The following NLRC5 variants were observed in gnomAD, a reference collection of about 807,000 sequenced individuals.
NLRC5 encodes the protein NLR family CARD domain containing 5.
Under a neutral mutation model 206.9 loss-of-function variants are expected in NLRC5, and 114 were observed. The observed-to-expected ratio is 0.55, with a 90% CI of 0.47 to 0.64. The LOEUF (loss-of-function observed/expected upper bound fraction) is 0.64. Ranked by LOEUF, NLRC5 falls within the 30% of genes least tolerant of loss-of-function variation. NLRC5 has a pLI of 0.00. For missense variants in NLRC5, 2,008 were observed against 2,305.5 expected, an observed-to-expected ratio of 0.87 and a Z score of 2.64; for synonymous variants, 952 against 962.8, an observed-to-expected ratio of 0.99 and a Z score of 0.21.
chr16:57,065,915 T>C (rs1423059039), intron 33 of NLRC5, among the ~76,000 whole-genome samples: 1 of 152,178 alleles, frequency 6.6e-6, no homozygotes, highest in Non-Finnish European at 1.5e-5. Flanking sequence ...CTGGGGACTT[T>C]ATAATCTCCC....
chr16:57,070,694 G>A (rs1253806123), intron 38 of NLRC5, 76 bp downstream of exon 38: 1 of 1,310,542 alleles, frequency 7.6e-7, no homozygotes, highest in African/African-American at 1.9e-5. Context: ...TGAGTGGTGG[G>A]GTTGGTTAAT....
At chr16:57,048,683 G>A (rs561782252) in intron 23 of NLRC5, among the ~76,000 whole-genome samples, 49 of 152,068 alleles carry the variant, frequency 3.2e-4, no homozygotes, top group Middle Eastern at 3.4e-3. Context: ...ACAGGCGCCC[G>A]CCATCATGCC....
Position 57,079,217 on chromosome 16 carries a change from G to T in NLRC5, c.5166-4G>T. ...CTCTCACAGGTATCTCCCCTACCCT[G>T]CAGCTTGGCGGAAAACAACCTGGCT... On this transcript the variant is annotated splice_region_variant and splice_polypyrimidine_tract_variant and intron_variant, in intron 44 of 48. Coordinates refer to ENST00000688547, the MANE Select transcript of NLRC5 (RefSeq NM_001384950.1). 1 of 1,614,010 alleles carries T rather than the reference G, an allele frequency of 6.2e-7. No individual in the cohort carries two copies.
intron 17 of NLRC5, chr16:57,041,183 GT>G (rs768955703): frequency 6.5e-4 from 268 of 413,634 alleles, no homozygotes; most frequent in Non-Finnish European, 9.1e-4. Context: ...TGTTTTATCA[GT>G]TTATTTAACT....
intron 32 of NLRC5, among the ~76,000 whole-genome samples, chr16:57,064,610 G>A (rs2066892776): frequency 6.6e-6 from 1 of 152,098 alleles, no homozygotes; most frequent in South Asian, 2.1e-4. Context: ...GTAACATTAT[G>A]TGAATCTTTT....
chr16:56,999,000 A>T (rs149789054), intron 1 of NLRC5, among the ~76,000 whole-genome samples: 2 of 152,352 alleles, frequency 1.3e-5, no homozygotes, highest in African/African-American at 4.8e-5. Flanking sequence ...ACAGTTCTGG[A>T]GACTAAAGTC....
chr16:57,079,112 C>T lies in NLRC5; in HGVS notation c.5144C>T (p.Ser1715Phe), dbSNP rs186267475. ...AGCCTGGCCCAGGCCCTGGATGGAT[C>T]CCCCCATTTGGAAGAGATCAGGTAA... The part of the protein sequence containing the change: ...ALSLAQALDG[S>F]PHLEEISLAE... The change falls in exon 44 of 49, where the codon TCC becomes TTC. Residue 1715 changes from serine (S) to phenylalanine (F), a missense_variant. Coordinates refer to ENST00000688547, the MANE Select transcript of NLRC5 (RefSeq NM_001384950.1). The T allele has an allele frequency of 4.3e-6, 7 of 1,614,132 alleles. No individual in the cohort carries two copies. Among genetic ancestry groups the T allele is most frequent in the Non-Finnish European group, 5.9e-6 (7 of 1,180,012 alleles).
chr16:57,082,666 T>G lies in NLRC5; in HGVS notation c.*138T>G. The G allele has an allele frequency of 1.6e-6, 1 of 626,454 alleles. No individual in the cohort carries two copies. 38.8% of individuals were successfully genotyped at this position (626,454 alleles called of 1,614,324 possible). The stretch of plus-strand genomic sequence containing the variant: ...CTCCACCCAGGAGGAAGGATACGTG[T>G]GTCCTGCTGCAGTCCTCAGGGAGAA... On this transcript the variant is annotated 3_prime_UTR_variant, in exon 49 of 49. Coordinates refer to ENST00000688547, the MANE Select transcript of NLRC5 (RefSeq NM_001384950.1).
intron 1 of NLRC5, among the ~76,000 whole-genome samples, chr16:57,003,139 C>T (rs577703632): frequency 2.7e-4 from 41 of 152,118 alleles, no homozygotes; most frequent in Non-Finnish European, 5.3e-4. Flanking sequence ...AGCTCACTGC[C>T]GCCTCCGTCT....
At chr16:57,027,041 C>A (rs760889033) in intron 6 of NLRC5, 23 bp downstream of exon 6, 2 of 1,600,734 alleles carry the variant, frequency 1.2e-6, no homozygotes, top group Non-Finnish European at 1.7e-6. Context: ...GGAGGAGGAC[C>A]GGGGAGGGGA....
intron 40 of NLRC5, 78 bp from the exon 41 acceptor site, chr16:57,077,218 C>T: frequency 7.4e-7 from 1 of 1,344,668 alleles, no homozygotes; most frequent in East Asian, 2.3e-5. Context: ...GGACTTCAGC[C>T]TCCCCTTCTT....
chr16:57,063,989 C>T (rs1334698515), intron 32 of NLRC5, among the ~76,000 whole-genome samples: 4 of 152,096 alleles, frequency 2.6e-5, no homozygotes, highest in Admixed American at 2.6e-4. Context: ...CCCCCCACCT[C>T]AGCCTCCCAA....
rs1372057596 is a variant in NLRC5, at chr16:57,047,541, G to T, written c.3339-4G>T. ...TCCCTGCCCTGCCCATTGCCCCTTT[G>T]CAGCCTCAGTGAGTGTCCTCTGGAG... On this transcript the variant is annotated splice_region_variant and splice_polypyrimidine_tract_variant and intron_variant, in intron 22 of 48. Coordinates refer to ENST00000688547, the MANE Select transcript of NLRC5 (RefSeq NM_001384950.1). 6.2e-7 allele frequency: 1 copy of T among 1,610,948 alleles called. No individual in the cohort carries two copies. The highest frequency in any genetic ancestry group is 8.5e-7 in the Non-Finnish European group (1 of 1,178,770).
rs144733674 is a variant in NLRC5, at chr16:57,047,626, G to C, written c.3420G>C (p.Leu1140=). Residue 1140 remains leucine, a splice_region_variant and synonymous_variant, in exon 23 of 49, where the codon CTG becomes CTC. Coordinates refer to ENST00000688547, the MANE Select transcript of NLRC5 (RefSeq NM_001384950.1). Reference sequence around the variant, plus strand: ...AGGACTGCCCGGGACCCCTGGAACTGCAGTAAGTAACGAGGACACAGCCCC... The same window carrying C: ...AGGACTGCCCGGGACCCCTGGAACTCCAGTAAGTAACGAGGACACAGCCCC... ...TLKDCPGPLE[L]QLSCEFLSDQ... The C allele has an allele frequency of 1.6e-5, 25 of 1,612,112 alleles. No individual in the cohort carries two copies. The highest frequency in any genetic ancestry group is 1.0e-4 in the Admixed American group (6 of 59,780).
At chr16:57,037,987 G>A (rs1195894550) in intron 15 of NLRC5, among the ~76,000 whole-genome samples, 1 of 152,092 alleles carries the variant, frequency 6.6e-6, no homozygotes, top group Non-Finnish European at 1.5e-5. Context: ...TCAATAAAGG[G>A]TCCCTAGTGC....
chr16:57,078,144 ACTCTCC>A (rs2068651159), intron 43 of NLRC5, 124 bp downstream of exon 43: 1 of 680,370 alleles, frequency 1.5e-6, no homozygotes, highest in East Asian at 3.1e-5. Context: ...GCATATACCC[ACTCTCC>A]TGCCTGTTCC....
intron 1 of NLRC5, among the ~76,000 whole-genome samples, chr16:57,007,762 CT>C (rs1284667154): frequency 6.6e-6 from 1 of 151,982 alleles, no homozygotes; most frequent in African/African-American, 2.4e-5. Flanking sequence ...TGGTGTTTCC[CT>C]TTTTTGTAAA....
chr16:57,080,295 C>T (rs2068962802), intron 46 of NLRC5, among the ~76,000 whole-genome samples: 1 of 152,162 alleles, frequency 6.6e-6, no homozygotes, highest in Non-Finnish European at 1.5e-5. Flanking sequence ...TCATCTTTAA[C>T]ACCTAACACT....
chr16:57,047,477 G>T, intron 22 of NLRC5, 68 bp from the exon 23 acceptor site: 1 of 1,362,024 alleles, frequency 7.3e-7, no homozygotes, highest in Non-Finnish European at 1.0e-6. Flanking sequence ...GAAGGATAGA[G>T]CCCCTGGGGC....
Sources: gnomAD v4.1 joint callset for allele counts (sites outside exome capture counted in the v4.1 genomes callset) on GRCh38, gnomAD v4.1.1 for gene constraint, MANE v1.5 for transcripts, NCBI Gene and HGNC (gene_info 2026-07-23, HGNC 2026-07-21) for gene names.